Variants in KRT6A observed in about 807,000 individuals in gnomAD.
The protein encoded by KRT6A is keratin, type II cytoskeletal 6A.
A neutral mutation model predicts 48.6 loss-of-function variants in KRT6A; 28 were observed. The observed-to-expected ratio is 0.58, with a 90% CI of 0.43 to 0.79. The LOEUF is 0.79. Among genes scored for constraint, KRT6A ranks in the 30% least tolerant of loss-of-function variants. KRT6A has a pLI of 0.00. For missense variants in KRT6A, 687 were observed against 724.3 expected (o/e 0.95, Z 0.59); for synonymous variants, 301 against 294.2 (o/e 1.02, Z -0.24).
chr12:52,491,869 T>G (rs1938272936), intron 1 of KRT6A, 133 bp from the exon 2 acceptor site: 1 of 1,179,016 alleles, frequency 8.5e-7, no homozygotes, highest in African/African-American at 1.5e-5. Context: ...AGGCTCAGGC[T>G]GAGCTCTGCT....
Position 52,493,093 on chromosome 12 carries a change from G to A in KRT6A, c.96C>T (p.Gly32=). 6.2e-7 allele frequency: 1 copy of A among 1,613,904 alleles called. No homozygotes were observed. The highest frequency in any genetic ancestry group is 1.1e-5 in the South Asian group (1 of 91,058). ...SARLPGVSRS[G]FSSVSVSRSR... Reference sequence around the variant, plus strand: ...AGCGGGACACGGAGACGCTGCTGAAGCCAGAGCGGCTGACCCCAGGGAGCC... The same window carrying A: ...AGCGGGACACGGAGACGCTGCTGAAACCAGAGCGGCTGACCCCAGGGAGCC... Residue 32 remains glycine, a synonymous_variant, in exon 1 of 9, where the codon GGC becomes GGT. Transcript: ENST00000330722.
Position 52,491,260 on chromosome 12 carries a change from G to C in KRT6A, c.756-88C>G, listed in dbSNP as rs1412852478. Reference sequence around the variant, plus strand: ...CTGGGATTCAACATTTTCCCGAATGGAATATATTCTAATTGGGCTTTCCTG... The same window carrying C: ...CTGGGATTCAACATTTTCCCGAATGCAATATATTCTAATTGGGCTTTCCTG... On this transcript the variant is annotated intron_variant, in intron 2 of 8. Transcript: ENST00000330722. The C allele has an allele frequency of 8.7e-6, 14 of 1,607,548 alleles. No individual in the cohort carries two copies. In the East Asian group the frequency reaches 2.9e-4, roughly 33 times the overall value.
Position 52,487,967 on chromosome 12 carries a change from A to C in KRT6A, c.1460-12T>G, listed in dbSNP as rs767760623. On this transcript the variant is annotated splice_polypyrimidine_tract_variant and intron_variant, in intron 8 of 8. Transcript: ENST00000330722. ...GGACTGCACCACAGCTGTGATGGGGAGGGGACAAGGACACAAGAAGCCATG... is the reference window on the plus strand; with the variant it reads ...GGACTGCACCACAGCTGTGATGGGGCGGGGACAAGGACACAAGAAGCCATG... 6.2e-6 allele frequency: 10 copies of C among 1,614,144 alleles called. No individual in the cohort carries two copies. Among genetic ancestry groups the C allele is most frequent in the Admixed American group, 3.3e-5 (2 of 60,028 alleles).
At chr12:52,492,102 T>C (rs1427070681) in intron 1 of KRT6A, among the ~76,000 whole-genome samples, 3 of 152,248 alleles carry the variant, frequency 2.0e-5, no homozygotes, top group Non-Finnish European at 4.4e-5. Context: ...TTAGAAGAGA[T>C]GTTAAATGTT....
chr12:52,487,584 C>G lies in KRT6A; in HGVS notation c.*136G>C. On this transcript the variant is annotated 3_prime_UTR_variant, in exon 9 of 9. Coordinates refer to ENST00000330722, the MANE Select transcript of KRT6A (RefSeq NM_005554.4). The stretch of plus-strand genomic sequence containing the variant: ...GAGAGAGAGAGAAGAAGTGAGGGCA[C>G]TAAGCATCCATACCCAGCTCTACCT... The G allele has an allele frequency of 1.9e-6, 2 of 1,043,188 alleles. No individual in the cohort carries two copies. The highest frequency in any genetic ancestry group is 3.0e-5 in the South Asian group (2 of 67,050). 64.6% of individuals were successfully genotyped at this position (1,043,188 alleles called of 1,614,324 possible).
At chr12:52,491,034 C>T in intron 3 of KRT6A, 78 bp downstream of exon 3, 4 of 1,613,962 alleles carry the variant, frequency 2.5e-6, no homozygotes, top group Non-Finnish European at 3.4e-6. Context: ...TGCCAATTCT[C>T]CTCTCCCAGG....
intron 5 of KRT6A, 77 bp downstream of exon 5, chr12:52,490,492 C>T (rs1938239834): frequency 8.7e-6 from 14 of 1,611,294 alleles, no homozygotes; most frequent in Non-Finnish European, 1.0e-5. Flanking sequence ...CAGGGGATGT[C>T]CCCAGTAAAG....
rs1448475699 is a variant in KRT6A at position 52,490,598 on chromosome 12, C to A, written c.1048G>T (p.Ala350Ser). Residue 350 changes from alanine to serine, a missense_variant, in exon 5 of 9, where the codon GCT (alanine) becomes TCT (serine). This residue lies in a region of KRT6A where 566 missense variants were observed against 565.3 expected (regional missense o/e 1.00). Coordinates refer to ENST00000330722, the MANE Select transcript of KRT6A (RefSeq NM_005554.4). ...QYEEIAQRSR[A>S]EAESWYQTKY... ...GTCTGGTACCAGGACTCAGCCTCAG[C>A]CCGGCTTCTCTGAGCAATCTCCTCA... 1.9e-6 allele frequency: 3 copies of A among 1,614,206 alleles called. No homozygotes were observed. The highest frequency in any genetic ancestry group is 2.5e-6 in the Non-Finnish European group (3 of 1,180,048).
Position 52,487,373 on chromosome 12 carries a change from G to GC in KRT6A, c.*346dup. On this transcript the variant is annotated 3_prime_UTR_variant, in exon 9 of 9. Coordinates refer to ENST00000330722, the MANE Select transcript of KRT6A (RefSeq NM_005554.4). ...GTAAGTGGAAGTTGTTCTGAAATAA[G>GC]CCCCTGGCAATTTTCTGCAATGAAA... is the stretch of plus-strand genomic sequence containing the variant. 1 of 347,312 alleles carries GC rather than the reference G, an allele frequency of 2.9e-6. No individual in the cohort carries two copies. Among genetic ancestry groups the GC allele is most frequent in the Non-Finnish European group, 5.4e-6 (1 of 185,006 alleles). 21.5% of individuals were successfully genotyped at this position (347,312 alleles called of 1,614,324 possible).
chr12:52,491,384 C>T lies in KRT6A; in HGVS notation c.755+138G>A, dbSNP rs562235986. 2.4e-5 allele frequency: 32 copies of T among 1,351,634 alleles called. No homozygotes were observed. In the African/African-American group the frequency reaches 3.6e-4, roughly 15 times the overall value. The allele number at this position is 1,351,634 out of a possible 1,614,324, so 83.7% of individuals were successfully genotyped here. ...ACCATCTGTGGTTCTTGCAGGTTTG[C>T]TCCTAGGGACTAATTTGTGCTCTTC... On this transcript the variant is annotated intron_variant, in intron 2 of 8. Transcript: ENST00000330722.
Position 52,493,241 on chromosome 12 carries a change from G to C in KRT6A, c.-53C>G. On this transcript the variant is annotated 5_prime_UTR_variant, in exon 1 of 9. Transcript: ENST00000330722. ...GAGTGTGAGAGGCTGGAGGAGAGAG[G>C]GAAGAGAAGCAGGACTAGGAATCAG... is the stretch of plus-strand genomic sequence containing the variant. 6.2e-7 allele frequency: 1 copy of C among 1,613,038 alleles called. No individual in the cohort carries two copies. Among genetic ancestry groups the C allele is most frequent in the Non-Finnish European group, 8.5e-7 (1 of 1,179,564 alleles).
At chr12:52,491,879 T>C (rs1938273091) in intron 1 of KRT6A, 143 bp from the exon 2 acceptor site, 1 of 1,081,004 alleles carries the variant, frequency 9.3e-7, no homozygotes, top group African/African-American at 1.6e-5. Flanking sequence ...TGAGCTCTGC[T>C]CCCCCAACCC....
Position 52,487,718 on chromosome 12 carries a change from C to T in KRT6A, c.*2G>A, listed in dbSNP as rs1319758217. 8 of 1,614,194 alleles carry T rather than the reference C, an allele frequency of 5.0e-6. No homozygotes were observed. The highest frequency in any genetic ancestry group is 6.8e-6 in the Non-Finnish European group (8 of 1,180,044). ...GTGGGACCGAGAGCTAGCAGACGCA[C>T]TTTAGTGCTTATAGCTCTTCCTGCT... On this transcript the variant is annotated 3_prime_UTR_variant, in exon 9 of 9. Coordinates refer to ENST00000330722, the MANE Select transcript of KRT6A (RefSeq NM_005554.4).
rs371739150 is a variant in KRT6A at position 52,489,989 on chromosome 12, C to A, written c.1157G>T (p.Arg386Leu). Residue 386 changes from arginine to leucine, a missense_variant, in exon 6 of 9, where the codon CGC becomes CTC. Transcript: ENST00000330722. Reference protein sequence around the residue: ...NTKQEIAEINRMIQRLRSEID... With the variant: ...NTKQEIAEINLMIQRLRSEID... ...CTCAGATCTCAGCCTCTGGATCATG[C>A]GGTTGATCTCAGCAATCTCCTGCTT... 9 of 1,614,000 alleles carry A rather than the reference C, an allele frequency of 5.6e-6. No homozygotes were observed. Among genetic ancestry groups the A allele is most frequent in the South Asian group, 1.1e-5 (1 of 91,068 alleles).
chr12:52,490,225 A>C, intron 5 of KRT6A, 157 bp from the exon 6 acceptor site: 1 of 1,412,438 alleles, frequency 7.1e-7, no homozygotes, highest in Non-Finnish European at 9.9e-7. Flanking sequence ...GTGGATACTA[A>C]ACACTGGAGT....
chr12:52,489,367 C>T (rs550477235), intron 6 of KRT6A, among the ~76,000 whole-genome samples: 17 of 152,290 alleles, frequency 1.1e-4, no homozygotes, highest in Admixed American at 9.8e-4. Context: ...CAACCTCCAC[C>T]TCCCAGGCTC....
intron 5 of KRT6A, 49 bp downstream of exon 5, chr12:52,490,520 T>C (rs1938240689): frequency 6.2e-7 from 1 of 1,614,176 alleles, no homozygotes; most frequent in Non-Finnish European, 8.5e-7. Context: ...TCCTCTGGTA[T>C]TCAGGGATGG....
At chr12:52,490,116 T>A (rs1442681552) in intron 5 of KRT6A, 48 bp from the exon 6 acceptor site, 3 of 1,612,626 alleles carry the variant, frequency 1.9e-6, no homozygotes. Flanking sequence ...GGTTCTTACC[T>A]GGGAGCGATG....
chr12:52,491,059 A>C (rs646000), intron 3 of KRT6A, 53 bp downstream of exon 3: 1 of 1,613,602 alleles, frequency 6.2e-7, no homozygotes, highest in Non-Finnish European at 8.5e-7. Flanking sequence ...CGAGGACACA[A>C]AGCCACTTCT....
Sources: gnomAD v4.1 joint callset for allele counts (sites outside exome capture counted in the v4.1 genomes callset) on GRCh38, gnomAD v4.1.1 for gene constraint, gnomAD v4.1.1 regional missense constraint, MANE v1.5 for transcripts, NCBI Gene and HGNC (gene_info 2026-07-23, HGNC 2026-07-21) for gene names.